CPED1: variants seen among roughly 807,000 people sequenced by gnomAD.
The protein encoded by CPED1 is cadherin like and PC-esterase domain containing 1.
A neutral mutation model predicts 128.2 loss-of-function variants in CPED1; 114 were observed. The observed-to-expected ratio is 0.89, with a 90% CI of 0.76 to 1.04. CPED1 has a LOEUF of 1.04. CPED1 is among the 50% of genes least tolerant of loss of function. The pLI, the probability that CPED1 is intolerant of heterozygous loss-of-function variation, is 0.00. For synonymous variants in CPED1, 462 were observed against 426.7 expected (o/e 1.08, Z -1.02); for missense variants, 1,211 against 1,207.1 (o/e 1.00, Z -0.05).
intron 4 of CPED1, among the ~76,000 whole-genome samples, chr7:121,049,278 G>GGC (rs1188152550): frequency 6.6e-6 from 1 of 152,210 alleles, no homozygotes; most frequent in Admixed American, 6.5e-5. Context: ...TCGTAAGAGG[G>GGC]ATGTGTAGAA....
At chr7:121,155,569 A>C (rs1254975235) in intron 16 of CPED1, among the ~76,000 whole-genome samples, 1 of 152,200 alleles carries the variant, frequency 6.6e-6, no homozygotes, top group African/African-American at 2.4e-5. Context: ...TTTACAGCCA[A>C]TTCACTTTCA....
chr7:121,229,278 G>A (rs1798084944), intron 16 of CPED1, among the ~76,000 whole-genome samples: 1 of 151,870 alleles, frequency 6.6e-6, no homozygotes, highest in Non-Finnish European at 1.5e-5. Context: ...TAAAAAAATA[G>A]ACAAATGCTT....
chr7:121,292,179 C>T (rs1792718088), intron 22 of CPED1, among the ~76,000 whole-genome samples: 3 of 151,930 alleles, frequency 2.0e-5, no homozygotes, highest in Admixed American at 6.6e-5. Flanking sequence ...TTCACATAGT[C>T]CCATATTTCT....
chr7:121,182,009 G>T (rs1796906491), intron 16 of CPED1, among the ~76,000 whole-genome samples: 1 of 152,006 alleles, frequency 6.6e-6, no homozygotes, highest in African/African-American at 2.4e-5. Context: ...GGGAAACTAG[G>T]GGGACATTTG....
intron 16 of CPED1, among the ~76,000 whole-genome samples, chr7:121,189,055 T>C (rs1797067593): frequency 5.3e-5 from 8 of 152,178 alleles, no homozygotes; most frequent in Admixed American, 5.2e-4. Context: ...GTAGTGACTA[T>C]GCCTTATAGC....
At chr7:121,053,676 A>C (rs1314674402) in intron 4 of CPED1, among the ~76,000 whole-genome samples, 1 of 152,148 alleles carries the variant, frequency 6.6e-6, no homozygotes, top group African/African-American at 2.4e-5. Flanking sequence ...TGCTCCCAAC[A>C]ATTTGTATTC....
intron 16 of CPED1, among the ~76,000 whole-genome samples, chr7:121,159,654 A>T (rs1042902413): frequency 1.3e-5 from 2 of 152,158 alleles, no homozygotes; most frequent in African/African-American, 4.8e-5. Flanking sequence ...ATTAGCAAAA[A>T]TATTGTTCAA....
intron 16 of CPED1, among the ~76,000 whole-genome samples, chr7:121,161,105 T>G (rs7796275): frequency 0.032 from 4,818 of 152,210 alleles, 241 homozygotes; most frequent in African/African-American, 0.11. Flanking sequence ...TTACCACAAA[T>G]GTAGCAACTT....
chr7:120,998,810 A>G (rs1473755450), intron 2 of CPED1, among the ~76,000 whole-genome samples: 1 of 151,220 alleles, frequency 6.6e-6, no homozygotes. Context: ...AGTTTTGTGG[A>G]ATCCTTTTTT....
At chr7:121,100,877 C>T (rs1563025925) in intron 7 of CPED1, among the ~76,000 whole-genome samples, 1 of 151,944 alleles carries the variant, frequency 6.6e-6, no homozygotes. Flanking sequence ...GAAAATCTTC[C>T]ACCTCAAGAA....
chr7:121,012,118 C>T (rs1294514829), intron 2 of CPED1, among the ~76,000 whole-genome samples: 1 of 152,144 alleles, frequency 6.6e-6, no homozygotes, highest in Non-Finnish European at 1.5e-5. Context: ...GAATTCAAAT[C>T]CAGATTTTTG....
chr7:121,178,170 C>T lies in CPED1; in HGVS notation c.2055+36029C>T, dbSNP rs1214761977. 2.0e-5 allele frequency among the ~76,000 whole-genome samples: 3 copies of T among 152,116 alleles called. No individual in the cohort carries two copies. The South Asian group carries it at 6.2e-4, about 32-fold the overall frequency. On this transcript the variant is annotated intron_variant, in intron 16 of 22. Transcript: ENST00000310396. ...CCTCTGAGGAGGGGGCAATGAACCACCAACTGGTGAAAAGAGGAGAAATGA... is the reference window on the plus strand; with the variant it reads ...CCTCTGAGGAGGGGGCAATGAACCATCAACTGGTGAAAAGAGGAGAAATGA...
In CPED1 at chr7:121,036,489, G is replaced by A. The variant is rs1477102063; in HGVS notation, c.434-10398G>A. On this transcript the variant is annotated intron_variant, in intron 3 of 22. Coordinates refer to ENST00000310396, the MANE Select transcript of CPED1 (RefSeq NM_024913.5). ...GGTTGGGTAGTATTCCATGGTGTGTGTATATATATATATATATATTTTTTT... is the reference window on the plus strand; with the variant it reads ...GGTTGGGTAGTATTCCATGGTGTGTATATATATATATATATATATTTTTTT... 3.6e-5 allele frequency among the ~76,000 whole-genome samples: 5 copies of A among 138,670 alleles called. No homozygotes were observed. In the South Asian group the frequency reaches 9.3e-4, roughly 26 times the overall value. 91.0% of individuals were successfully genotyped at this position (138,670 alleles called of 152,430 possible).
chr7:121,166,872 G>A (rs751725228), intron 16 of CPED1, among the ~76,000 whole-genome samples: 5 of 152,102 alleles, frequency 3.3e-5, no homozygotes, highest in African/African-American at 4.8e-5. Flanking sequence ...CTGTTGTGCT[G>A]AGGATCATGA....
intron 18 of CPED1, chr7:121,261,710 TCCCTGCCCCAC>T (rs764075876): frequency 5.5e-5 from 88 of 1,605,436 alleles, no homozygotes; most frequent in Non-Finnish European, 7.5e-5. Context: ...CTAAATGACC[TCCCTGCCCCAC>T]CCCTGCACAT....
chr7:121,151,445 C>T, intron 16 of CPED1, among the ~76,000 whole-genome samples: 1 of 152,316 alleles, frequency 6.6e-6, no homozygotes, highest in Non-Finnish European at 1.5e-5. Flanking sequence ...ACCATTTATA[C>T]ACATTGTTTC....
chr7:121,206,089 T>C (rs1797510574), intron 16 of CPED1, among the ~76,000 whole-genome samples: 1 of 151,996 alleles, frequency 6.6e-6, no homozygotes, highest in Admixed American at 6.6e-5. Flanking sequence ...AAATTTAAGT[T>C]ATGTCAACAT....
intron 7 of CPED1, 30 bp downstream of exon 7, chr7:121,100,124 C>G (rs536820540): frequency 6.2e-7 from 1 of 1,604,024 alleles, no homozygotes; most frequent in Non-Finnish European, 8.5e-7. Context: ...TATTATTTCA[C>G]GTAAGTACAC....
chr7:121,254,157 G>A (rs1370453632), intron 18 of CPED1, among the ~76,000 whole-genome samples: 1 of 151,962 alleles, frequency 6.6e-6, no homozygotes, highest in East Asian at 1.9e-4. Flanking sequence ...ATACATGCTT[G>A]AACATAAAGC....
Sources: gnomAD v4.1 joint callset for allele counts (sites outside exome capture counted in the v4.1 genomes callset) on GRCh38, gnomAD v4.1.1 for gene constraint, MANE v1.5 for transcripts, NCBI Gene and HGNC (gene_info 2026-07-23, HGNC 2026-07-21) for gene names.